Variants in ACTA2 observed in about 807,000 individuals in gnomAD.
The protein encoded by ACTA2 is actin alpha 2, smooth muscle.
In ACTA2, 12 loss-of-function variants were observed where a neutral mutation model predicts 39.5. The observed-to-expected ratio is 0.30, with a 90% CI of 0.19 to 0.49. The LOEUF is 0.49. ACTA2 is among the 20% of genes least tolerant of loss of function. The probability of loss-of-function intolerance (pLI) is 0.99; values close to 1 mark genes in which losing one functional copy is unlikely to be tolerated. For synonymous variants in ACTA2, 158 were observed against 180.6 expected (o/e 0.88, Z 1.00); for missense variants, 236 against 498.8 (o/e 0.47, Z 5.02).
intron 8 of ACTA2, chr10:88,935,573 A>C (rs531876145): frequency 5.0e-5 from 27 of 541,256 alleles, no homozygotes; most frequent in South Asian, 4.7e-4. Flanking sequence ...GAAATTCTTC[A>C]GTAAGCACAT....
At chr10:88,973,131 G>T in intron 1 of ACTA2, 4 of 1,513,738 alleles carry the variant, frequency 2.6e-6, no homozygotes, top group Admixed American at 2.1e-5. Context: ...ATTTTTCCTG[G>T]GCCTTGCCTC....
At chr10:88,935,440 C>T in intron 8 of ACTA2, 74 bp from the exon 9 acceptor site, 2 of 1,528,834 alleles carry the variant, frequency 1.3e-6, no homozygotes, top group Non-Finnish European at 1.8e-6. Context: ...AGGACAGAGC[C>T]TGGATGTTCT....
chr10:88,986,964 T>C (rs921570486), intron 1 of ACTA2, among the ~76,000 whole-genome samples: 4 of 152,254 alleles, frequency 2.6e-5, no homozygotes, highest in South Asian at 4.1e-4. Flanking sequence ...TTTAATCCTG[T>C]AGGAAATAAT....
At chr10:88,971,641 C>A (rs530757680) in intron 1 of ACTA2, among the ~76,000 whole-genome samples, 3 of 152,258 alleles carry the variant, frequency 2.0e-5, no homozygotes, top group African/African-American at 7.2e-5. Context: ...AGTTCTTTTG[C>A]TGCTCTTTTT....
At chr10:88,942,787 C>T (rs1304306723) in intron 4 of ACTA2, among the ~76,000 whole-genome samples, 3 of 151,366 alleles carry the variant, frequency 2.0e-5, no homozygotes, top group Non-Finnish European at 4.4e-5. Context: ...AACAATAATT[C>T]ATCAGAAGCA....
chr10:88,965,079 T>C (rs1846297519), intron 1 of ACTA2, among the ~76,000 whole-genome samples: 1 of 152,198 alleles, frequency 6.6e-6, no homozygotes, highest in Admixed American at 6.5e-5. Flanking sequence ...ATTTTAAAAG[T>C]CTACTCAAAA....
At chr10:88,959,280 G>T (rs568193747) in intron 1 of ACTA2, among the ~76,000 whole-genome samples, 1 of 152,256 alleles carries the variant, frequency 6.6e-6, no homozygotes, top group South Asian at 2.1e-4. Flanking sequence ...TGCCTAAGGG[G>T]CTTAAAAAAT....
At chr10:88,972,889 G>T (rs1846481587) in intron 1 of ACTA2, among the ~76,000 whole-genome samples, 1 of 152,108 alleles carries the variant, frequency 6.6e-6, no homozygotes, top group African/African-American at 2.4e-5. Flanking sequence ...GACTCTTACA[G>T]GTAATTTTGT....
chr10:88,970,203 A>G (rs146937387), intron 1 of ACTA2, among the ~76,000 whole-genome samples: 1 of 152,154 alleles, frequency 6.6e-6, no homozygotes, highest in Non-Finnish European at 1.5e-5. Flanking sequence ...TTCTCTACTC[A>G]TAGGCAAAGT....
At chr10:88,975,656 A>G (rs1008252634) in intron 1 of ACTA2, among the ~76,000 whole-genome samples, 1 of 151,622 alleles carries the variant, frequency 6.6e-6, no homozygotes, top group Non-Finnish European at 1.5e-5. Context: ...TTTTTTTTCA[A>G]TGTTGGTCAA....
chr10:88,975,284 A>G (rs1002182896), intron 1 of ACTA2: 3 of 152,264 alleles, frequency 2.0e-5, no homozygotes, highest in African/African-American at 4.8e-5. Context: ...GGAAGGAGAT[A>G]AATCAGAGGC....
intron 8 of ACTA2, among the ~76,000 whole-genome samples, chr10:88,935,755 C>A (rs1845725745): frequency 6.6e-6 from 1 of 152,178 alleles, no homozygotes; most frequent in Admixed American, 6.5e-5. Flanking sequence ...CTAGCCTATT[C>A]AAAGGAGAAG....
At chr10:88,973,197 T>C (rs763318249) in intron 1 of ACTA2, 22 of 1,612,304 alleles carry the variant, frequency 1.4e-5, no homozygotes, top group Admixed American at 1.3e-4. Flanking sequence ...GAAATTCCTT[T>C]CTGGGATAAT....
intron 7 of ACTA2, among the ~76,000 whole-genome samples, chr10:88,939,072 A>T (rs529369268): frequency 1.3e-5 from 2 of 152,116 alleles, no homozygotes; most frequent in East Asian, 3.9e-4. Context: ...ACCCAGGCTC[A>T]CCCCTCTCAG....
At chr10:88,942,102 G>T (rs1302152220) in intron 4 of ACTA2, among the ~76,000 whole-genome samples, 1 of 152,146 alleles carries the variant, frequency 6.6e-6, no homozygotes, top group East Asian at 1.9e-4. Flanking sequence ...GAAACAGTGT[G>T]CACACAAGGT....
intron 1 of ACTA2, among the ~76,000 whole-genome samples, chr10:88,979,372 C>A (rs1309744796): frequency 1.3e-5 from 2 of 152,176 alleles, no homozygotes; most frequent in African/African-American, 4.8e-5. Context: ...GACCAGATTC[C>A]TGCTGACTTC....
intron 1 of ACTA2, among the ~76,000 whole-genome samples, chr10:88,987,815 A>G (rs1403741723): frequency 6.6e-6 from 1 of 152,228 alleles, no homozygotes; most frequent in Non-Finnish European, 1.5e-5. Flanking sequence ...CTATTTAGTC[A>G]AACACTATCT....
intron 1 of ACTA2, among the ~76,000 whole-genome samples, chr10:88,965,777 T>C (rs915895596): frequency 1.3e-5 from 2 of 152,178 alleles, no homozygotes; most frequent in African/African-American, 4.8e-5. Context: ...GCAGACTCCA[T>C]GGAAGAGTGT....
At position 88,952,353 on chromosome 10, in the gene ACTA2, A is replaced by G. The variant is rs545741000; in HGVS notation, c.-24+378T>C. ...AAGAAAACCCCTACAACAAATCAGA[A>G]CCAGAAAGAAATCTGAGTTTCCAGT... On this transcript the variant is annotated intron_variant, in intron 1 of 8. Coordinates refer to ENST00000224784, the MANE Select transcript of ACTA2 (RefSeq NM_001613.4). Among the ~76,000 whole-genome samples the G allele has an allele frequency of 5.9e-5, 9 of 152,280 alleles. No homozygotes were observed. In the South Asian group the frequency reaches 1.9e-3, roughly 32 times the overall value.
Sources: gnomAD v4.1 joint callset for allele counts (sites outside exome capture counted in the v4.1 genomes callset) on GRCh38, gnomAD v4.1.1 for gene constraint, MANE v1.5 for transcripts, NCBI Gene and HGNC (gene_info 2026-07-23, HGNC 2026-07-21) for gene names.